The following TMPRSS7 variants were observed in gnomAD, a reference collection of about 807,000 sequenced individuals.
TMPRSS7 encodes transmembrane serine protease 7, also known as transmembrane protease serine 7.
TMPRSS7 carries 81 observed loss-of-function variants against 95.6 expected under a neutral mutation model. The ratio of observed to expected loss-of-function variants is 0.85; its 90% CI spans 0.71 to 1.02. The LOEUF (loss-of-function observed/expected upper bound fraction) is 1.02. TMPRSS7 is among the 50% of genes least tolerant of loss of function. The pLI, the probability that TMPRSS7 is intolerant of heterozygous loss-of-function variation, is 0.00. For synonymous variants in TMPRSS7, 364 were observed against 337.8 expected, an observed-to-expected ratio of 1.08 and a Z score of -0.85; for missense variants, 945 against 955.2, an observed-to-expected ratio of 0.99 and a Z score of 0.14.
At chr3:112,051,927 C>T (rs1243778123) in intron 9 of TMPRSS7, among the ~76,000 whole-genome samples, 2 of 151,942 alleles carry the variant, frequency 1.3e-5, no homozygotes, top group African/African-American at 4.8e-5. Flanking sequence ...TGCGTTTATT[C>T]AACATATTAT....
intron 17 of TMPRSS7, among the ~76,000 whole-genome samples, chr3:112,079,500 C>A (rs2073752501): frequency 6.6e-6 from 1 of 152,190 alleles, no homozygotes; most frequent in Admixed American, 6.5e-5. Context: ...CACAAATTCA[C>A]AAACTTTCTG....
At chr3:112,073,590 GT>G (rs1383662812) in intron 13 of TMPRSS7, among the ~76,000 whole-genome samples, 1 of 152,088 alleles carries the variant, frequency 6.6e-6, no homozygotes, top group Non-Finnish European at 1.5e-5. Flanking sequence ...GGGGTTGTCT[GT>G]TTTTTTCTTG....
chr3:112,066,626 C>A, intron 13 of TMPRSS7, 124 bp downstream of exon 13: 1 of 805,104 alleles, frequency 1.2e-6, no homozygotes, highest in South Asian at 1.7e-5. Context: ...TGGAACTTCT[C>A]CAGTTTTAGC....
At chr3:112,037,517 G>T (rs9862414) in intron 1 of TMPRSS7, among the ~76,000 whole-genome samples, 43,387 of 152,064 alleles carry the variant, frequency 0.29, 7,173 homozygotes, top group Middle Eastern at 0.38. Flanking sequence ...CATTAGCAAT[G>T]CTAGTTTCAC....
chr3:112,065,956 A>G (rs2073570527), intron 12 of TMPRSS7, among the ~76,000 whole-genome samples: 1 of 152,230 alleles, frequency 6.6e-6, no homozygotes. Flanking sequence ...AATTCATTCA[A>G]CAAACCTTGA....
At chr3:112,080,769 T>G in intron 17 of TMPRSS7, 145 bp from the exon 18 acceptor site, 2 of 687,450 alleles carry the variant, frequency 2.9e-6, no homozygotes, top group East Asian at 6.2e-5. Context: ...CATTAGTTTT[T>G]CACACTTCCC....
chr3:112,036,804 C>T (rs1576092612), intron 1 of TMPRSS7, among the ~76,000 whole-genome samples: 1 of 152,148 alleles, frequency 6.6e-6, no homozygotes, highest in African/African-American at 2.4e-5. Context: ...GGCAGAAGAA[C>T]ATAAATTGTG....
intron 3 of TMPRSS7, among the ~76,000 whole-genome samples, chr3:112,043,398 A>C (rs1688286): frequency 0.98 from 148,852 of 152,146 alleles, 72,898 homozygotes; most frequent in East Asian, 1. Flanking sequence ...AATTATTTCT[A>C]AAATTATCCC....
intron 16 of TMPRSS7, 107 bp from the exon 17 acceptor site, chr3:112,078,635 C>T (rs201867547): frequency 2.7e-5 from 38 of 1,410,388 alleles, no homozygotes; most frequent in East Asian, 1.8e-4. Context: ...AGGGAATTGC[C>T]GCTATGAGGG....
At chr3:112,064,640 G>A (rs1412286538) in intron 12 of TMPRSS7, among the ~76,000 whole-genome samples, 2 of 152,184 alleles carry the variant, frequency 1.3e-5, no homozygotes, top group Admixed American at 1.3e-4. Flanking sequence ...TGAGATTACA[G>A]GCACGAGCCA....
Position 112,063,519 on chromosome 3 carries a change from C to T in TMPRSS7, c.1448-6C>T, listed in dbSNP as rs994470680. On this transcript the variant is annotated splice_region_variant and splice_polypyrimidine_tract_variant and intron_variant, in intron 11 of 17. Coordinates refer to ENST00000452346, the Ensembl canonical transcript of TMPRSS7. ...TTTCTATTTTTTGATTTTTTGTTGCCCATAGCCTGCCCTGTTGGATCTTTT... is the reference window on the plus strand; with the variant it reads ...TTTCTATTTTTTGATTTTTTGTTGCTCATAGCCTGCCCTGTTGGATCTTTT... The T allele has an allele frequency of 2.5e-6, 4 of 1,611,876 alleles. No homozygotes were observed. The highest frequency in any genetic ancestry group is 1.7e-6 in the Non-Finnish European group (2 of 1,178,396).
chr3:112,080,687 G>GAAT (rs1559966290), intron 17 of TMPRSS7, among the ~76,000 whole-genome samples: 1 of 152,120 alleles, frequency 6.6e-6, no homozygotes, highest in East Asian at 1.9e-4. Flanking sequence ...TTAGCCTAAA[G>GAAT]AATCATGTTT....
chr3:112,039,338 G>A (rs1366666918), intron 2 of TMPRSS7, among the ~76,000 whole-genome samples: 1 of 152,168 alleles, frequency 6.6e-6, no homozygotes, highest in African/African-American at 2.4e-5. Context: ...CTGAATGATA[G>A]GAGTGATAGG....
intron 9 of TMPRSS7, among the ~76,000 whole-genome samples, chr3:112,051,625 C>CATCT (rs10546402): frequency 0.03 from 4,249 of 142,422 alleles, 156 homozygotes; most frequent in African/African-American, 0.076. Context: ...CTATCTCTAT[C>CATCT]ATCTATCTAT....
rs957008328 is a variant in TMPRSS7 at position 112,055,500 on chromosome 3, T to C, written c.1204-1525T>C. 5.1e-5 allele frequency among the ~76,000 whole-genome samples: 7 copies of C among 136,084 alleles called. No individual in the cohort carries two copies. The South Asian group carries it at 1.7e-3, about 33-fold the overall frequency. The allele number at this position is 136,084 out of a possible 152,430, so 89.3% of individuals were successfully genotyped here. On this transcript the variant is annotated intron_variant, in intron 9 of 17. Coordinates refer to ENST00000452346, the Ensembl canonical transcript of TMPRSS7. ...ACACACAGCATAACATATAATACGA[T>C]GACATAACTAAAATGTCTTTCAGAG...
chr3:112,048,085 T>G, intron 7 of TMPRSS7, 118 bp downstream of exon 7: 1 of 848,094 alleles, frequency 1.2e-6, no homozygotes, highest in Non-Finnish European at 1.9e-6. Context: ...ACACATGAGG[T>G]CAATGGCTGA....
intron 6 of TMPRSS7, 173 bp from the exon 7 acceptor site, chr3:112,047,566 T>G: frequency 1.5e-6 from 1 of 668,304 alleles, no homozygotes; most frequent in Non-Finnish European, 2.7e-6. Context: ...TGTGGATAGT[T>G]TCTAAAGGCA....
At chr3:112,058,175 T>A (rs1051956983) in intron 10 of TMPRSS7, among the ~76,000 whole-genome samples, 1 of 152,248 alleles carries the variant, frequency 6.6e-6, no homozygotes, top group Non-Finnish European at 1.5e-5. Flanking sequence ...CCTTTCTAAG[T>A]GCTTTTTCAG....
chr3:112,043,445 A>G (rs1316507744), intron 3 of TMPRSS7, among the ~76,000 whole-genome samples: 2 of 152,166 alleles, frequency 1.3e-5, no homozygotes, highest in African/African-American at 2.4e-5. Context: ...TTTATAGGTG[A>G]AAAAGAAAAA....
Sources: gnomAD v4.1 joint callset for allele counts (sites outside exome capture counted in the v4.1 genomes callset) on GRCh38, gnomAD v4.1.1 for gene constraint, MANE v1.5 for transcripts, NCBI Gene and HGNC (gene_info 2026-07-23, HGNC 2026-07-21) for gene names.